Variants in RHEB observed in about 807,000 individuals in gnomAD.
RHEB encodes the protein Ras homolog, mTORC1 binding, also known as GTP-binding protein Rheb.
In RHEB, 2 loss-of-function variants were observed where a neutral mutation model predicts 28.8. The ratio of observed to expected loss-of-function variants is 0.07; its 90% CI spans 0.03 to 0.22. The LOEUF is 0.22. Ranked by LOEUF, RHEB falls within the 10% of genes least tolerant of loss-of-function variation. RHEB has a pLI of 1.00. For missense variants in RHEB, 76 were observed against 219.9 expected (o/e 0.35, Z 4.14); for synonymous variants, 69 against 77.3 (o/e 0.89, Z 0.56).
intron 2 of RHEB, among the ~76,000 whole-genome samples, chr7:151,489,545 C>T (rs973068271): frequency 6.6e-6 from 1 of 152,190 alleles, no homozygotes; most frequent in Non-Finnish European, 1.5e-5. Context: ...CAAAGGACAG[C>T]CAAATATTTT....
intron 2 of RHEB, among the ~76,000 whole-genome samples, chr7:151,490,213 GGATC>G (rs1802555512): frequency 6.6e-6 from 1 of 152,180 alleles, no homozygotes; most frequent in Non-Finnish European, 1.5e-5. Context: ...TGAGGAAAGA[GGATC>G]ACTTGAGTCC....
intron 1 of RHEB, among the ~76,000 whole-genome samples, chr7:151,506,525 G>A (rs551222798): frequency 6.6e-6 from 1 of 152,208 alleles, no homozygotes; most frequent in African/African-American, 2.4e-5. Context: ...CATGTAGCAA[G>A]TGCTCAGCAA....
intron 1 of RHEB, among the ~76,000 whole-genome samples, chr7:151,499,805 C>T (rs1802740497): frequency 6.6e-6 from 1 of 152,210 alleles, no homozygotes; most frequent in Admixed American, 6.5e-5. Context: ...CCCTCCTCCA[C>T]TTTGGAAGTG....
chr7:151,477,444 A>T, intron 3 of RHEB, 29 bp from the exon 4 acceptor site: 1 of 1,307,094 alleles, frequency 7.7e-7, no homozygotes, highest in Non-Finnish European at 1.1e-6. Context: ...ATCTTTGAGT[A>T]GTCTTCATAT....
chr7:151,498,238 G>A, intron 1 of RHEB: 1 of 945,802 alleles, frequency 1.1e-6, no homozygotes, highest in South Asian at 1.4e-5. Flanking sequence ...TTAAGGAAGA[G>A]GAAGAGAAGC....
intron 1 of RHEB, among the ~76,000 whole-genome samples, chr7:151,506,993 C>G (rs918287404): frequency 6.6e-6 from 1 of 152,232 alleles, no homozygotes; most frequent in Non-Finnish European, 1.5e-5. Flanking sequence ...AAGCCTGGAA[C>G]TGGCACATCA....
chr7:151,491,179 A>G (rs943943502), intron 1 of RHEB, among the ~76,000 whole-genome samples, 165 bp from the exon 2 acceptor site: 6 of 152,228 alleles, frequency 3.9e-5, no homozygotes, highest in Non-Finnish European at 2.9e-5. Flanking sequence ...AATGAAATAA[A>G]TTTCATTAAT....
chr7:151,493,461 G>A (rs559541841), intron 1 of RHEB, among the ~76,000 whole-genome samples: 75 of 152,268 alleles, frequency 4.9e-4, no homozygotes, highest in African/African-American at 1.7e-3. Flanking sequence ...TAAGTTATTT[G>A]GAATGATATT....
chr7:151,481,676 T>C (rs1459953415), intron 3 of RHEB, among the ~76,000 whole-genome samples: 3 of 152,230 alleles, frequency 2.0e-5, no homozygotes, highest in African/African-American at 4.8e-5. Flanking sequence ...CAACTGTAAA[T>C]ATAACCTTCA....
At chr7:151,473,129 C>T (rs1168861187) in intron 4 of RHEB, among the ~76,000 whole-genome samples, 2 of 152,304 alleles carry the variant, frequency 1.3e-5, no homozygotes, top group South Asian at 2.1e-4. Context: ...GTCTAATGAA[C>T]AGAATATGGC....
chr7:151,517,516 TA>T (rs1204389852), intron 1 of RHEB, among the ~76,000 whole-genome samples: 1 of 151,574 alleles, frequency 6.6e-6, no homozygotes, highest in Non-Finnish European at 1.5e-5. Flanking sequence ...AAATAGGGAC[TA>T]AAAGTGACCC....
intron 1 of RHEB, chr7:151,498,124 G>T (rs375099429): frequency 1.6e-6 from 2 of 1,289,618 alleles, no homozygotes; most frequent in East Asian, 5.6e-5. Flanking sequence ...GCACCTGTGC[G>T]CCCTGCAGAA....
chr7:151,494,141 A>C (rs1802634245), intron 1 of RHEB, among the ~76,000 whole-genome samples: 1 of 152,206 alleles, frequency 6.6e-6, no homozygotes, highest in South Asian at 2.1e-4. Flanking sequence ...AGTTACAAAG[A>C]AAAAAGGAAA....
In RHEB at chr7:151,468,045, T is replaced by C. The variant is rs150320540; in HGVS notation, c.463-834A>G. Reference sequence around the variant, plus strand: ...AGACCCTGTCCTTGAAATGCAGTCCTGTGGTCATGAAAAACTGCCCCTGTT... The same window carrying C: ...AGACCCTGTCCTTGAAATGCAGTCCCGTGGTCATGAAAAACTGCCCCTGTT... On this transcript the variant is annotated intron_variant, in intron 7 of 7. Coordinates refer to ENST00000262187, the MANE Select transcript of RHEB (RefSeq NM_005614.4). This position sits in a 1 kb window ranked among gnomAD's most constrained non-coding sequence, Gnocchi z 4.3. Among the ~76,000 whole-genome samples the C allele has an allele frequency of 2.0e-5, 3 of 152,192 alleles. No homozygotes were observed. In the East Asian group the frequency reaches 5.8e-4, roughly 29 times the overall value.
At chr7:151,514,533 T>G (rs1219385881) in intron 1 of RHEB, among the ~76,000 whole-genome samples, 4 of 152,108 alleles carry the variant, frequency 2.6e-5, no homozygotes, top group Non-Finnish European at 5.9e-5. Context: ...TTGACGAGAA[T>G]GTGGAGAAAA....
chr7:151,510,120 C>T (rs889821626), intron 1 of RHEB, among the ~76,000 whole-genome samples: 6 of 152,136 alleles, frequency 3.9e-5, no homozygotes, highest in South Asian at 2.1e-4. Context: ...ACATGAGTCC[C>T]GACCTCTCTC....
At position 151,472,771 on chromosome 7, in the gene RHEB, T is replaced by C. The variant is rs1802186689; in HGVS notation, c.276-1166A>G. ...ATCACAAGCTTCAGAATAAGTTAGCTTGTTGAATGAATTACACACTGTGCT... is the reference window on the plus strand; with the variant it reads ...ATCACAAGCTTCAGAATAAGTTAGCCTGTTGAATGAATTACACACTGTGCT... On this transcript the variant is annotated intron_variant, in intron 4 of 7. Transcript: ENST00000262187. The surrounding 1 kb of genome is among the most constrained non-coding windows in gnomAD (Gnocchi z 5.2). 6.6e-6 allele frequency among the ~76,000 whole-genome samples: 1 copy of C among 152,216 alleles called. No homozygotes were observed. Among genetic ancestry groups the C allele is most frequent in the African/African-American group, 2.4e-5 (1 of 41,462 alleles).
intron 2 of RHEB, among the ~76,000 whole-genome samples, chr7:151,489,609 A>G (rs1261444829): frequency 6.6e-6 from 1 of 152,226 alleles, no homozygotes. Context: ...ACCAGTAAAT[A>G]TTTTAGGCTT....
intron 1 of RHEB, among the ~76,000 whole-genome samples, chr7:151,503,896 G>A (rs1802820758): frequency 6.6e-6 from 1 of 152,100 alleles, no homozygotes; most frequent in South Asian, 2.1e-4. Context: ...AAATTAAATT[G>A]CTGCATTTCG....
Sources: allele counts gnomAD v4.1 joint callset (sites outside exome capture counted in the v4.1 genomes callset), GRCh38; gene constraint gnomAD v4.1.1; non-coding constraint Gnocchi (gnomAD v3.1); transcripts MANE v1.5; gene names NCBI Gene and HGNC (gene_info 2026-07-23, HGNC 2026-07-21).